Variants in ALDH4A1 observed in about 807,000 individuals in gnomAD.
ALDH4A1 encodes delta-1-pyrroline-5-carboxylate dehydrogenase, mitochondrial.
ALDH4A1 carries 46 observed loss-of-function variants against 70.5 expected under a neutral mutation model. The ratio of observed to expected loss-of-function variants is 0.65; its 90% CI spans 0.51 to 0.83. The LOEUF is 0.83. Among genes scored for constraint, ALDH4A1 ranks in the 40% least tolerant of loss-of-function variants. The pLI is 0.00. For synonymous variants in ALDH4A1, 323 were observed against 324.3 expected (o/e 1.00, Z 0.04); for missense variants, 749 against 766.5 (o/e 0.98, Z 0.27).
intron 14 of ALDH4A1, among the ~76,000 whole-genome samples, chr1:18,873,650 T>C (rs1934542254): frequency 6.6e-6 from 1 of 151,990 alleles, no homozygotes; most frequent in Non-Finnish European, 1.5e-5. Context: ...GCCAAGGGGG[T>C]GGCACAGCCC....
intron 1 of ALDH4A1, chr1:18,900,811 T>G (rs1935773493): frequency 8.3e-6 from 8 of 963,148 alleles, no homozygotes; most frequent in Non-Finnish European, 9.9e-6. Flanking sequence ...AAATGTAATT[T>G]CAGTCATATA....
intron 7 of ALDH4A1, 89 bp downstream of exon 7, chr1:18,883,035 G>C: frequency 6.4e-7 from 1 of 1,559,364 alleles, no homozygotes; most frequent in Non-Finnish European, 8.8e-7. Flanking sequence ...ACTAGGCTGA[G>C]ACCCAAGGGG....
intron 14 of ALDH4A1, 73 bp downstream of exon 14, chr1:18,874,390 G>A (rs922534613): frequency 1.5e-6 from 2 of 1,373,904 alleles, no homozygotes; most frequent in Non-Finnish European, 2.1e-6. Context: ...TTACTCTGAA[G>A]CCCCTCGAGA....
At chr1:18,896,538 G>A (rs1002440464) in intron 1 of ALDH4A1, among the ~76,000 whole-genome samples, 7 of 152,160 alleles carry the variant, frequency 4.6e-5, no homozygotes, top group Admixed American at 1.3e-4. Context: ...CCCTATCACC[G>A]ACATAAAGGC....
rs559188869 is a variant in ALDH4A1 at position 18,880,192 on chromosome 1, G to T, written c.867-819C>A. ...CACCCCCAGCAAAGCTGCGGGGAAG[G>T]GGGTGGCAGAGCCTGGGGCCTGGAA... On this transcript the variant is annotated intron_variant, in intron 8 of 14. Transcript: ENST00000375341. The surrounding 1 kb of genome is among the most constrained non-coding windows in gnomAD (Gnocchi z 5.1). 1.3e-5 allele frequency among the ~76,000 whole-genome samples: 2 copies of T among 152,082 alleles called. No homozygotes were observed. Among genetic ancestry groups the T allele is most frequent in the East Asian group, 1.9e-4 (1 of 5,148 alleles).
chr1:18,876,518 G>A (rs1332191296), intron 11 of ALDH4A1, 51 bp from the exon 12 acceptor site: 2 of 1,529,762 alleles, frequency 1.3e-6, no homozygotes, highest in Non-Finnish European at 1.8e-6. Flanking sequence ...AGGCATCCCT[G>A]CGGCAGCCCC....
rs542447156 is a variant in ALDH4A1 at position 18,880,393 on chromosome 1, C to T, written c.867-1020G>A. Reference sequence around the variant, plus strand: ...TGACAACCCCCCTCATCCCCACACGCACCCCAACCCCAACTCCAGGACAGG... The same window carrying T: ...TGACAACCCCCCTCATCCCCACACGTACCCCAACCCCAACTCCAGGACAGG... On this transcript the variant is annotated intron_variant, in intron 8 of 14. Transcript: ENST00000375341. This position sits in a 1 kb window ranked among gnomAD's most constrained non-coding sequence, Gnocchi z 5.1. 5.8e-3 allele frequency among the ~76,000 whole-genome samples: 876 copies of T among 152,238 alleles called. 3 individuals are homozygous for T. Among genetic ancestry groups the T allele is most frequent in the South Asian group, 0.014 (68 of 4,824 alleles).
chr1:18,897,335 G>A (rs1307357781), intron 1 of ALDH4A1, among the ~76,000 whole-genome samples: 1 of 152,156 alleles, frequency 6.6e-6, no homozygotes, highest in African/African-American at 2.4e-5. Context: ...TTGAGGTCAG[G>A]AGTTCTAGAC....
At chr1:18,902,357 G>T in intron 1 of ALDH4A1, 105 bp downstream of exon 1, 1 of 994,516 alleles carries the variant, frequency 1.0e-6, no homozygotes, top group Non-Finnish European at 1.3e-6. Flanking sequence ...AGGCAGCTTG[G>T]GGGTCCGGCA....
intron 2 of ALDH4A1, 132 bp downstream of exon 2, chr1:18,889,880 C>A (rs1935367306): frequency 1.2e-6 from 1 of 834,446 alleles, no homozygotes; most frequent in South Asian, 1.7e-5. Flanking sequence ...CCCTCCCAGG[C>A]TTCCACCCAA....
Position 18,872,779 on chromosome 1 carries a change from G to C in ALDH4A1, c.*66C>G. Reference sequence around the variant, plus strand: ...AAGAAGGGGTGGAGGGGCTGGAGTGGGGTCTGTGCAGTGAGGTCGGCCACC... The same window carrying C: ...AAGAAGGGGTGGAGGGGCTGGAGTGCGGTCTGTGCAGTGAGGTCGGCCACC... On this transcript the variant is annotated 3_prime_UTR_variant, in exon 15 of 15. Transcript: ENST00000375341. The C allele has an allele frequency of 8.3e-7, 1 of 1,211,464 alleles. No individual in the cohort carries two copies. The highest frequency in any genetic ancestry group is 1.2e-6 in the Non-Finnish European group (1 of 826,924). 75.0% of individuals were successfully genotyped at this position (1,211,464 alleles called of 1,614,324 possible).
At chr1:18,873,655 C>T (rs1934542369) in intron 14 of ALDH4A1, among the ~76,000 whole-genome samples, 1 of 152,220 alleles carries the variant, frequency 6.6e-6, no homozygotes. Context: ...GGGGGTGGCA[C>T]AGCCCGAACT....
chr1:18,873,202 G>A (rs1404687460), intron 14 of ALDH4A1, among the ~76,000 whole-genome samples: 2 of 152,108 alleles, frequency 1.3e-5, no homozygotes, highest in Non-Finnish European at 2.9e-5. Context: ...GCTGGGATGC[G>A]AGGATGTCTA....
chr1:18,877,326 C>T, intron 10 of ALDH4A1, 71 bp from the exon 11 acceptor site: 2 of 1,558,024 alleles, frequency 1.3e-6, no homozygotes, highest in Non-Finnish European at 1.7e-6. Flanking sequence ...CCTCCCCGCA[C>T]ACCCCAGCCC....
chr1:18,900,829 T>C, intron 1 of ALDH4A1: 2 of 982,382 alleles, frequency 2.0e-6, no homozygotes, highest in African/African-American at 1.7e-5. Context: ...ATATCTCTGA[T>C]GGCAGATCGT....
rs1337181116 is a variant in ALDH4A1 at position 18,877,197 on chromosome 1, C to G, written c.1185+11G>C. On this transcript the variant is annotated intron_variant, in intron 11 of 14. Transcript: ENST00000375341. The stretch of plus-strand genomic sequence containing the variant: ...GCCCCCACCCAGGAACGCCCACTTC[C>G]CACCCCGTACCTTGGCATCAATCAC... 3.1e-6 allele frequency: 5 copies of G among 1,607,230 alleles called. No homozygotes were observed. Among genetic ancestry groups the G allele is most frequent in the Non-Finnish European group, 4.2e-6 (5 of 1,176,732 alleles).
intron 3 of ALDH4A1, among the ~76,000 whole-genome samples, chr1:18,888,852 A>C (rs1352456201): frequency 3.3e-5 from 5 of 152,130 alleles, no homozygotes; most frequent in Non-Finnish European, 2.9e-5. Flanking sequence ...CCCCCTGCAC[A>C]CGTCTGCCCA....
chr1:18,877,176 C>T (rs1183248497), intron 11 of ALDH4A1, 32 bp downstream of exon 11: 1 of 1,601,030 alleles, frequency 6.2e-7, no homozygotes. Flanking sequence ...GGGCTTGCCC[C>T]CACCCAGGAA....
intron 10 of ALDH4A1, 67 bp from the exon 11 acceptor site, chr1:18,877,322 C>T (rs1363639735): frequency 1.6e-5 from 25 of 1,560,948 alleles, no homozygotes; most frequent in Non-Finnish European, 2.0e-5. Flanking sequence ...GACCCCTCCC[C>T]GCACACCCCA....
Sources: gnomAD v4.1 joint callset for allele counts (sites outside exome capture counted in the v4.1 genomes callset) on GRCh38, gnomAD v4.1.1 for gene constraint, Gnocchi (gnomAD v3.1) non-coding constraint, MANE v1.5 for transcripts, NCBI Gene and HGNC (gene_info 2026-07-23, HGNC 2026-07-21) for gene names.